Variants in EPHA6 observed in about 807,000 individuals in gnomAD.
The protein encoded by EPHA6 is EPH receptor A6, also known as ephrin type-A receptor 6.
EPHA6 carries 50 observed loss-of-function variants against 112.0 expected under a neutral mutation model. The observed-to-expected ratio is 0.45, with a 90% CI of 0.36 to 0.56. The LOEUF (loss-of-function observed/expected upper bound fraction) is 0.56. Among genes scored for constraint, EPHA6 ranks in the 20% least tolerant of loss-of-function variants. The pLI is 0.00. For synonymous variants in EPHA6, 529 were observed against 490.7 expected (o/e 1.08, Z -1.03); for missense variants, 1,280 against 1,417.4 (o/e 0.90, Z 1.56).
intron 6 of EPHA6, among the ~76,000 whole-genome samples, chr3:97,441,693 T>C (rs1450125849): frequency 1.3e-5 from 2 of 152,102 alleles, no homozygotes; most frequent in Non-Finnish European, 2.9e-5. Context: ...ATTTAGGTAT[T>C]ATAAGGTTTC....
chr3:97,070,313 G>A (rs2046313442), intron 3 of EPHA6, among the ~76,000 whole-genome samples: 1 of 152,108 alleles, frequency 6.6e-6, no homozygotes, highest in African/African-American at 2.4e-5. Context: ...ATTAATGAAT[G>A]ACCAAAATAA....
chr3:97,002,750 A>G (rs943789749), intron 3 of EPHA6, among the ~76,000 whole-genome samples: 12 of 152,186 alleles, frequency 7.9e-5, no homozygotes, highest in African/African-American at 2.9e-4. Context: ...CTTTGAATTC[A>G]GCAAAAACGG....
chr3:97,444,295 A>G (rs1020652198), intron 6 of EPHA6, among the ~76,000 whole-genome samples: 1 of 152,172 alleles, frequency 6.6e-6, no homozygotes, highest in Non-Finnish European at 1.5e-5. Flanking sequence ...AGACTTTAGG[A>G]GAAAGCAAAC....
intron 6 of EPHA6, among the ~76,000 whole-genome samples, chr3:97,445,851 T>C (rs1040940042): frequency 1.3e-5 from 2 of 152,206 alleles, no homozygotes; most frequent in Middle Eastern, 3.4e-3. Context: ...AACAGAACTT[T>C]ATGAACAATG....
At chr3:96,887,142 G>A (rs1017432168) in intron 2 of EPHA6, among the ~76,000 whole-genome samples, 1 of 147,912 alleles carries the variant, frequency 6.8e-6, no homozygotes. Context: ...TGATTTGGTT[G>A]GGGGGGCGAG....
At chr3:96,893,433 A>G (rs1033769055) in intron 2 of EPHA6, among the ~76,000 whole-genome samples, 1 of 152,152 alleles carries the variant, frequency 6.6e-6, no homozygotes, top group African/African-American at 2.4e-5. Context: ...TATGACCCCA[A>G]CCATATAAAA....
chr3:97,605,986 A>G (rs1307482325), intron 12 of EPHA6, among the ~76,000 whole-genome samples: 2 of 151,320 alleles, frequency 1.3e-5, no homozygotes, highest in African/African-American at 4.8e-5. Context: ...AACAGGAGAT[A>G]TGGGAATAGG....
intron 3 of EPHA6, among the ~76,000 whole-genome samples, chr3:97,186,617 G>A (rs1475582500): frequency 6.6e-6 from 1 of 152,108 alleles, no homozygotes. Flanking sequence ...CTCAGCCCTT[G>A]AATTAGTTTG....
At chr3:97,470,480 A>C (rs758436618) in intron 7 of EPHA6, among the ~76,000 whole-genome samples, 9 of 151,766 alleles carry the variant, frequency 5.9e-5, no homozygotes, top group Non-Finnish European at 1.0e-4. Context: ...CACAGAATAC[A>C]AATAACAGAT....
chr3:97,349,781 G>A (rs1199122974), intron 5 of EPHA6, among the ~76,000 whole-genome samples: 1 of 151,922 alleles, frequency 6.6e-6, no homozygotes, highest in African/African-American at 2.4e-5. Flanking sequence ...TCATTGAGCA[G>A]GAGTTTCTGA....
At chr3:97,731,238 C>A (rs2035021143) in intron 15 of EPHA6, among the ~76,000 whole-genome samples, 1 of 152,068 alleles carries the variant, frequency 6.6e-6, no homozygotes, top group South Asian at 2.1e-4. Flanking sequence ...TGACCGCTAA[C>A]TTGAATCACT....
At chr3:96,904,547 T>A (rs1003941236) in intron 2 of EPHA6, among the ~76,000 whole-genome samples, 2 of 151,436 alleles carry the variant, frequency 1.3e-5, no homozygotes, top group African/African-American at 4.9e-5. Flanking sequence ...ACATGGCACA[T>A]GTATACATAT....
chr3:97,531,332 A>T (rs1560105543), intron 10 of EPHA6, among the ~76,000 whole-genome samples: 1 of 152,004 alleles, frequency 6.6e-6, no homozygotes, highest in Non-Finnish European at 1.5e-5. Context: ...GAGAAAACCC[A>T]TTACCTTTTA....
intron 10 of EPHA6, among the ~76,000 whole-genome samples, chr3:97,513,616 A>T (rs924153938): frequency 2.6e-5 from 4 of 152,202 alleles, no homozygotes; most frequent in East Asian, 3.9e-4. Context: ...ATGTAGAATT[A>T]AAAAAGTTGA....
intron 3 of EPHA6, among the ~76,000 whole-genome samples, chr3:97,113,217 T>C (rs1238706851): frequency 6.6e-6 from 1 of 152,106 alleles, no homozygotes; most frequent in Non-Finnish European, 1.5e-5. Context: ...TATACTGTTT[T>C]AGATCAGATT....
At chr3:97,374,876 C>G (rs2085259397) in intron 5 of EPHA6, among the ~76,000 whole-genome samples, 3 of 152,108 alleles carry the variant, frequency 2.0e-5, no homozygotes, top group African/African-American at 7.2e-5. Context: ...AATATTTTTC[C>G]TATCCTTTAA....
intron 5 of EPHA6, among the ~76,000 whole-genome samples, chr3:97,371,427 T>C (rs1246080019): frequency 6.6e-6 from 1 of 152,144 alleles, no homozygotes; most frequent in East Asian, 1.9e-4. Flanking sequence ...CTGCAATCTC[T>C]GAACATAAAT....
intron 6 of EPHA6, among the ~76,000 whole-genome samples, chr3:97,431,968 T>C (rs904537695): frequency 1.1e-4 from 17 of 152,088 alleles, no homozygotes; most frequent in Non-Finnish European, 1.5e-5. Context: ...GTCAAAATGG[T>C]TTCATTGTAC....
intron 3 of EPHA6, among the ~76,000 whole-genome samples, chr3:97,224,260 T>TGAAG (rs1180454995): frequency 6.6e-6 from 1 of 152,172 alleles, no homozygotes; most frequent in Non-Finnish European, 1.5e-5. Context: ...TCACTCTGTC[T>TGAAG]GAAGAATGGA....
Sources: gnomAD v4.1 joint callset for allele counts (sites outside exome capture counted in the v4.1 genomes callset) on GRCh38, gnomAD v4.1.1 for gene constraint, MANE v1.5 for transcripts, NCBI Gene and HGNC (gene_info 2026-07-23, HGNC 2026-07-21) for gene names.